CNKSR3: variants seen among roughly 807,000 people sequenced by gnomAD.
The protein encoded by CNKSR3 is connector enhancer of kinase suppressor of ras 3.
A neutral mutation model predicts 67.7 loss-of-function variants in CNKSR3; 36 were observed. The ratio of observed to expected loss-of-function variants is 0.53; its 90% CI spans 0.41 to 0.70. CNKSR3 has a LOEUF of 0.70. Ranked by LOEUF, CNKSR3 falls within the 30% of genes least tolerant of loss-of-function variation. The pLI is 0.00. For synonymous variants in CNKSR3, 281 were observed against 271.4 expected, an observed-to-expected ratio of 1.04 and a Z score of -0.35; for missense variants, 630 against 695.2, an observed-to-expected ratio of 0.91 and a Z score of 1.05.
At chr6:154,465,223 A>G (rs1562345423) in intron 1 of CNKSR3, among the ~76,000 whole-genome samples, 1 of 151,852 alleles carries the variant, frequency 6.6e-6, no homozygotes, top group Non-Finnish European at 1.5e-5. Context: ...TGCAAAATTG[A>G]CAGCTTAAAT....
intron 1 of CNKSR3, among the ~76,000 whole-genome samples, chr6:154,484,185 T>C (rs963505438): frequency 6.6e-6 from 1 of 152,160 alleles, no homozygotes; most frequent in East Asian, 1.9e-4. Context: ...GACTGAATGA[T>C]CGAAGGTCAT....
intron 1 of CNKSR3, among the ~76,000 whole-genome samples, chr6:154,473,385 G>A (rs1582888625): frequency 6.6e-6 from 1 of 152,176 alleles, no homozygotes; most frequent in Non-Finnish European, 1.5e-5. Flanking sequence ...CAGGAGGTGG[G>A]CACAATGATT....
Position 154,422,948 on chromosome 6 carries a change from A to T in CNKSR3, c.765T>A (p.Gly255=). The change falls in exon 8 of 13, where the codon GGT becomes GGA. Residue 255 remains glycine, a synonymous_variant. Coordinates refer to ENST00000607772, the MANE Select transcript of CNKSR3 (RefSeq NM_173515.4). ...PADRSQKIHA[G]DEVIQVNQQT... is the part of the protein sequence containing the mutation. ...GCTGATTAACTTGAATGACTTCGTC[A>T]CCAGCATGAATCTTCTGAGATCTGT... 1 of 1,613,312 alleles carries T rather than the reference A, an allele frequency of 6.2e-7. No homozygotes were observed. The highest frequency in any genetic ancestry group is 1.1e-5 in the South Asian group (1 of 90,838).
chr6:154,499,274 C>T (rs1283443912), intron 1 of CNKSR3, among the ~76,000 whole-genome samples: 1 of 152,220 alleles, frequency 6.6e-6, no homozygotes, highest in Non-Finnish European at 1.5e-5. Flanking sequence ...AAACTGTGGA[C>T]AGGCATTATG....
chr6:154,451,912 C>A (rs1785841767), intron 1 of CNKSR3, among the ~76,000 whole-genome samples: 1 of 152,162 alleles, frequency 6.6e-6, no homozygotes, highest in African/African-American at 2.4e-5. Flanking sequence ...ATAAACCCAG[C>A]TCCGCTCTGA....
chr6:154,454,112 G>C (rs879769071), intron 1 of CNKSR3, among the ~76,000 whole-genome samples: 48,727 of 90,820 alleles, frequency 0.54, 10,094 homozygotes, highest in African/African-American at 0.63. Flanking sequence ...CACAGAGAGA[G>C]AGAGAGAGAG....
chr6:154,489,956 G>A (rs534374764), intron 1 of CNKSR3, among the ~76,000 whole-genome samples: 8 of 152,196 alleles, frequency 5.3e-5, no homozygotes, highest in East Asian at 1.9e-4. Flanking sequence ...AACTTCCGCC[G>A]TCTGGGCTCC....
intron 1 of CNKSR3, among the ~76,000 whole-genome samples, chr6:154,468,903 C>A (rs1018128819): frequency 6.6e-6 from 1 of 152,174 alleles, no homozygotes; most frequent in Non-Finnish European, 1.5e-5. Flanking sequence ...TGCCTGTAAT[C>A]CCAGCACTTT....
intron 5 of CNKSR3, among the ~76,000 whole-genome samples, chr6:154,432,488 A>G (rs774286757): frequency 7.9e-5 from 12 of 152,148 alleles, no homozygotes; most frequent in Middle Eastern, 3.2e-3. Flanking sequence ...CATTCTCTTA[A>G]CAGTGCATTT....
intron 8 of CNKSR3, 49 bp from the exon 9 acceptor site, chr6:154,422,701 A>G: frequency 6.3e-7 from 1 of 1,598,900 alleles, no homozygotes; most frequent in Non-Finnish European, 8.6e-7. Context: ...GAATAACGAA[A>G]AAAACCGAAC....
intron 8 of CNKSR3, 33 bp from the exon 9 acceptor site, chr6:154,422,685 G>A (rs200364122): frequency 3.1e-6 from 5 of 1,609,470 alleles, no homozygotes; most frequent in Middle Eastern, 2.1e-4. Context: ...GGGAAGACTT[G>A]CTCATGAATA....
intron 1 of CNKSR3, 57 bp downstream of exon 1, chr6:154,510,006 C>T (rs1787182082): frequency 6.3e-6 from 10 of 1,595,308 alleles, no homozygotes; most frequent in Non-Finnish European, 8.6e-6. Flanking sequence ...TCCCCAGCTC[C>T]TCGTCCGCCC....
intron 12 of CNKSR3, 34 bp downstream of exon 12, chr6:154,410,309 T>C (rs1227237907): frequency 2.0e-6 from 3 of 1,515,624 alleles, no homozygotes; most frequent in Admixed American, 1.7e-5. Context: ...CACTCCCCAT[T>C]TGCTGTTCCT....
Position 154,390,596 on chromosome 6 carries a change from C to T in CNKSR3, c.*15758G>A, listed in dbSNP as rs1784593272. 6.6e-6 allele frequency: 1 copy of T among 152,122 alleles called. No individual in the cohort carries two copies. The highest frequency in any genetic ancestry group is 1.9e-4 in the East Asian group (1 of 5,188). The allele number at this position is 152,122 out of a possible 1,614,324, so 9.4% of individuals were successfully genotyped here. ...AGTTTCACTGAGTGGGACACAATTGCCTAGTGCCCCGTTGTGTCTCTGTTT... is the reference window on the plus strand; with the variant it reads ...AGTTTCACTGAGTGGGACACAATTGTCTAGTGCCCCGTTGTGTCTCTGTTT... On this transcript the variant is annotated 3_prime_UTR_variant, in exon 13 of 13. Transcript: ENST00000607772.
intron 9 of CNKSR3, among the ~76,000 whole-genome samples, chr6:154,418,964 A>T (rs1470883619): frequency 6.6e-6 from 1 of 151,626 alleles, no homozygotes; most frequent in Non-Finnish European, 1.5e-5. Flanking sequence ...GCAAAAAAAA[A>T]AAAAACAAAA....
intron 1 of CNKSR3, among the ~76,000 whole-genome samples, chr6:154,508,010 C>T (rs1483519272): frequency 2.6e-5 from 4 of 151,950 alleles, no homozygotes; most frequent in African/African-American, 9.7e-5. Context: ...GAAGATCTCA[C>T]TCCATAATCT....
Position 154,422,820 on chromosome 6 carries a change from A to T in CNKSR3, c.798+95T>A, listed in dbSNP as rs1161776699. 5.0e-6 allele frequency: 6 copies of T among 1,206,564 alleles called. No individual in the cohort carries two copies. In the East Asian group the frequency reaches 1.4e-4, roughly 29 times the overall value. The allele number at this position is 1,206,564 out of a possible 1,614,324, so 74.7% of individuals were successfully genotyped here. On this transcript the variant is annotated intron_variant, in intron 8 of 12. Coordinates refer to ENST00000607772, the MANE Select transcript of CNKSR3 (RefSeq NM_173515.4). ...ACAACCTAAAATAATGAAAAATAGG[A>T]TATAAGCGGCAAATTTTAAAAATTT...
intron 5 of CNKSR3, 25 bp from the exon 6 acceptor site, chr6:154,430,616 AG>A: frequency 6.3e-7 from 1 of 1,591,178 alleles, no homozygotes; most frequent in Non-Finnish European, 8.5e-7. Flanking sequence ...GCAAATAGTC[AG>A]GAAAGTTCAA....
At position 154,388,168 on chromosome 6, in the gene CNKSR3, C is replaced by T. The variant is rs572542335; in HGVS notation, c.*18186G>A. The T allele has an allele frequency of 2.4e-4, 37 of 152,278 alleles. No homozygotes were observed. Among genetic ancestry groups the T allele is most frequent in the African/African-American group, 8.4e-4 (35 of 41,570 alleles). 9.4% of individuals were successfully genotyped at this position (152,278 alleles called of 1,614,324 possible). On this transcript the variant is annotated 3_prime_UTR_variant, in exon 13 of 13. Coordinates refer to ENST00000607772, the MANE Select transcript of CNKSR3 (RefSeq NM_173515.4). ...ACTTTATGCCTATTGATTAGTAACT[C>T]CCCACTCCCCTCAGCCCCTGGCCAC... is the stretch of plus-strand genomic sequence containing the variant.
Sources: allele counts gnomAD v4.1 joint callset (sites outside exome capture counted in the v4.1 genomes callset), GRCh38; gene constraint gnomAD v4.1.1; transcripts MANE v1.5; gene names NCBI Gene and HGNC (gene_info 2026-07-23, HGNC 2026-07-21).